The following MAEA variants were observed in gnomAD, a reference collection of about 807,000 sequenced individuals.
MAEA encodes the protein E3 ubiquitin-protein transferase MAEA.
MAEA carries 22 observed loss-of-function variants against 46.2 expected under a neutral mutation model. The observed-to-expected ratio is 0.48, with a 90% CI of 0.34 to 0.68. The LOEUF (loss-of-function observed/expected upper bound fraction) is 0.68. Ranked by LOEUF, MAEA falls within the 30% of genes least tolerant of loss-of-function variation. MAEA has a pLI of 0.01. For missense variants in MAEA, 393 were observed against 558.1 expected (o/e 0.70, Z 2.98); for synonymous variants, 246 against 222.6 (o/e 1.11, Z -0.94).
At chr4:1,322,116 A>G (rs928572553) in intron 3 of MAEA, among the ~76,000 whole-genome samples, 1 of 152,106 alleles carries the variant, frequency 6.6e-6, no homozygotes, top group Admixed American at 6.5e-5. Flanking sequence ...CTCCATGGAC[A>G]GGTGGGGCCA....
intron 1 of MAEA, chr4:1,309,396 G>T (rs967149869): frequency 1.6e-6 from 2 of 1,255,952 alleles, no homozygotes; most frequent in Admixed American, 3.8e-5. Flanking sequence ...AGGGCCCGGA[G>T]TCACGTGCTG....
intron 3 of MAEA, among the ~76,000 whole-genome samples, chr4:1,321,873 G>GT (rs4045167): frequency 0.12 from 17,466 of 140,058 alleles, 1,278 homozygotes; most frequent in African/African-American, 0.22. Flanking sequence ...TTTTTTTGTT[G>GT]TTTTTTTTTT....
At chr4:1,297,236 C>T (rs763330096) in intron 1 of MAEA, among the ~76,000 whole-genome samples, 1 of 152,222 alleles carries the variant, frequency 6.6e-6, no homozygotes, top group Non-Finnish European at 1.5e-5. Flanking sequence ...GAGGTTTTCT[C>T]GATTTCTGTT....
intron 2 of MAEA, among the ~76,000 whole-genome samples, chr4:1,314,882 T>C (rs966410973): frequency 6.6e-6 from 1 of 152,164 alleles, no homozygotes. Context: ...GTGTGTGCTG[T>C]CAAATTTTTA....
Position 1,325,493 on chromosome 4 carries a change from C to G in MAEA, c.580-2134C>G, listed in dbSNP as rs140861552. On this transcript the variant is annotated intron_variant, in intron 4 of 8. Transcript: ENST00000303400. ...ACCAATTGAAAGTAACCTACTAGAG[C>G]AAAAGGTGTTATTGAAAAGCAGGTT... Among the ~76,000 whole-genome samples the G allele has an allele frequency of 8.6e-4, 131 of 152,294 alleles. 1 individual carries two copies. The East Asian group carries it at 0.014, about 17-fold the overall frequency.
At chr4:1,309,647 A>G (rs1056115102) in intron 1 of MAEA, 2 of 1,531,292 alleles carry the variant, frequency 1.3e-6, no homozygotes, top group Non-Finnish European at 8.7e-7. Flanking sequence ...AAGCGGCTGG[A>G]TGTGGACCCT....
At chr4:1,294,345 A>G (rs73069981) in intron 1 of MAEA, among the ~76,000 whole-genome samples, 23,493 of 152,092 alleles carry the variant, frequency 0.15, 3,467 homozygotes, top group East Asian at 0.42. Flanking sequence ...AGGCTGAGAT[A>G]AGGATGTAGA....
intron 1 of MAEA, among the ~76,000 whole-genome samples, chr4:1,296,466 C>T (rs1281111745): frequency 1.4e-5 from 2 of 146,018 alleles, no homozygotes; most frequent in Admixed American, 1.4e-4. Flanking sequence ...GTGCCCCCCT[C>T]ACCCGTGCCT....
chr4:1,320,422 G>C (rs1463891187), intron 3 of MAEA, among the ~76,000 whole-genome samples: 1 of 146,158 alleles, frequency 6.8e-6, no homozygotes, highest in Non-Finnish European at 1.5e-5. Flanking sequence ...CTGTGAAGGG[G>C]CTTTAGAAAG....
chr4:1,332,895 A>T lies in MAEA; in HGVS notation c.765+30A>T, dbSNP rs780096999. 7.8e-6 allele frequency: 12 copies of T among 1,547,188 alleles called. 1 individual carries two copies. The Admixed American group carries it at 2.1e-4, about 27-fold the overall frequency. ...GGCGTGCGTCCCTGGGGTCGGTGTCATGCTGGGGTGGGGATCCAGGGTGTG... is the reference window on the plus strand; with the variant it reads ...GGCGTGCGTCCCTGGGGTCGGTGTCTTGCTGGGGTGGGGATCCAGGGTGTG... On this transcript the variant is annotated intron_variant, in intron 6 of 8. Transcript: ENST00000303400.
intron 4 of MAEA, among the ~76,000 whole-genome samples, chr4:1,325,493 CA>C (rs1358079752): frequency 6.6e-6 from 1 of 152,176 alleles, no homozygotes; most frequent in East Asian, 1.9e-4. Context: ...CCTACTAGAG[CA>C]AAAGGTGTTA....
intron 4 of MAEA, among the ~76,000 whole-genome samples, chr4:1,325,120 G>A (rs893139393): frequency 3.3e-5 from 5 of 152,200 alleles, no homozygotes; most frequent in Non-Finnish European, 5.9e-5. Context: ...CGCACGCCAG[G>A]GGGTGTGTGG....
intron 1 of MAEA, chr4:1,297,975 C>T (rs1038251570): frequency 4.4e-6 from 2 of 456,110 alleles, no homozygotes; most frequent in Non-Finnish European, 8.8e-6. Flanking sequence ...GCATGGAAAC[C>T]CCGCTGTGCA....
intron 2 of MAEA, chr4:1,312,425 T>A (rs1736631749): frequency 5.1e-6 from 1 of 197,518 alleles, no homozygotes. Context: ...GTTGATTGAT[T>A]TTTTTTTTTT....
In MAEA at chr4:1,312,423, A is replaced by ATTTTTT. The variant is rs34329974; in HGVS notation, c.252+281_252+286dup. ...ACCAGGATGTATAGCAGGTTGATTGATTTTTTTTTTTTTTTTTTTTTTTTG... is the reference window on the plus strand; with the variant it reads ...ACCAGGATGTATAGCAGGTTGATTGATTTTTTTTTTTTTTTTTTTTTTTTTTTTTTG... On this transcript the variant is annotated intron_variant, in intron 2 of 8. Transcript: ENST00000303400. 3.3e-3 allele frequency: 573 copies of ATTTTTT among 171,982 alleles called. 49 individuals are homozygous for ATTTTTT. Among genetic ancestry groups the ATTTTTT allele is most frequent in the African/African-American group, 0.022 (448 of 20,372 alleles). The allele number at this position is 171,982 out of a possible 1,614,324, so 10.7% of individuals were successfully genotyped here.
Position 1,327,642 on chromosome 4 carries a change from A to T in MAEA, c.595A>T (p.Ser199Cys), listed in dbSNP as rs1229342169. The T allele has an allele frequency of 2.5e-6, 4 of 1,613,946 alleles. No homozygotes were observed. The highest frequency in any genetic ancestry group is 3.3e-5 in the Admixed American group (2 of 60,032). Residue 199 changes from serine (S) to cysteine (C), a missense_variant, in exon 5 of 9, where the codon AGC (serine) becomes TGC (cysteine). Ser to Cys is a moderately radical substitution (Grantham distance 112). Transcript: ENST00000303400. ...LRKMKSCLEF[S>C]LRIQEFIELI... ...TTGCCCTCAGAGCTGCCTGGAGTTC[A>T]GCCTCAGAATCCAGGAGTTCATTGA...
intron 3 of MAEA, among the ~76,000 whole-genome samples, chr4:1,318,317 G>A (rs565096907): frequency 2.0e-3 from 301 of 152,378 alleles, no homozygotes; most frequent in African/African-American, 6.6e-3. Context: ...GGGAATGTGC[G>A]CTGTGTTGGG....
intron 5 of MAEA, chr4:1,329,457 G>T (rs1012907945): frequency 3.0e-6 from 3 of 985,422 alleles, no homozygotes; most frequent in Non-Finnish European, 3.6e-6. Flanking sequence ...GAGCAGGCAG[G>T]TCCCAGGAAG....
At chr4:1,290,462 A>G (rs568089305) in intron 1 of MAEA, among the ~76,000 whole-genome samples, 24 of 152,160 alleles carry the variant, frequency 1.6e-4, no homozygotes, top group Non-Finnish European at 2.9e-5. Flanking sequence ...GACCTTTTTG[A>G]TGGGCGTCAC....
Sources: allele counts gnomAD v4.1 joint callset (sites outside exome capture counted in the v4.1 genomes callset), GRCh38; gene constraint gnomAD v4.1.1; transcripts MANE v1.5; gene names NCBI Gene and HGNC (gene_info 2026-07-23, HGNC 2026-07-21).